Variants in PCDH11Y observed in about 807,000 individuals in gnomAD.
The protein encoded by PCDH11Y is protocadherin-11 Y-linked.
For missense variants in PCDH11Y, 12 were observed against 224.8 expected (o/e 0.05, Z 6.05); for synonymous variants, 9 against 83.6 (o/e 0.11, Z 4.87).
chrY:5,191,091 A>G (rs2052911783), intron 2 of PCDH11Y, among the ~76,000 whole-genome samples: 1 of 29,026 alleles, frequency 3.4e-5, no homozygotes, highest in Non-Finnish European at 8.2e-5. Flanking sequence ...CTCACTCATA[A>G]GTGGGAGTTG....
chrY:5,486,751 A>AT (rs2053333448), intron 2 of PCDH11Y, among the ~76,000 whole-genome samples: 3 of 9,209 alleles, frequency 3.3e-4, no homozygotes, highest in African/African-American at 5.0e-4. Context: ...ATATATATAT[A>AT]TTTTTTTTTT....
intron 2 of PCDH11Y, among the ~76,000 whole-genome samples, chrY:5,174,028 C>A: frequency 3.6e-5 from 1 of 27,741 alleles, no homozygotes; most frequent in Non-Finnish European, 8.5e-5. Flanking sequence ...CAAGTTGCTG[C>A]AAAACACATT....
chrY:5,083,548 T>C (rs1255322046), intron 1 of PCDH11Y, among the ~76,000 whole-genome samples: 754 of 31,442 alleles, frequency 0.024, no homozygotes, highest in Middle Eastern at 0.2. Context: ...TATTCTCTCC[T>C]CTATTTTTTG....
At chrY:5,352,981 C>T in intron 2 of PCDH11Y, among the ~76,000 whole-genome samples, 1 of 30,926 alleles carries the variant, frequency 3.2e-5, no homozygotes, top group Non-Finnish European at 7.7e-5. Flanking sequence ...GGACTCTTGC[C>T]TGCAATCTCT....
At chrY:5,571,156 A>T in intron 3 of PCDH11Y, among the ~76,000 whole-genome samples, 1 of 30,440 alleles carries the variant, frequency 3.3e-5, no homozygotes, top group Non-Finnish European at 7.9e-5. Context: ...GTCCATCCAG[A>T]TGCATCTCTC....
intron 2 of PCDH11Y, among the ~76,000 whole-genome samples, chrY:5,445,446 C>G: frequency 3.5e-5 from 1 of 28,963 alleles, no homozygotes; most frequent in Non-Finnish European, 8.2e-5. Context: ...TCCTCTTCCT[C>G]TTCCTCTTCT....
At chrY:5,627,756 A>T in intron 4 of PCDH11Y, among the ~76,000 whole-genome samples, 2 of 33,065 alleles carry the variant, frequency 6.0e-5, no homozygotes, top group African/African-American at 2.4e-4. Flanking sequence ...TTGATATTTT[A>T]AAAATGATAT....
chrY:5,256,430 ATTT>A (rs2053011259), intron 2 of PCDH11Y, among the ~76,000 whole-genome samples: 2 of 33,228 alleles, frequency 6.0e-5, no homozygotes, highest in African/African-American at 2.3e-4. Flanking sequence ...AGTGCATGCC[ATTT>A]TTGTTACTAT....
At chrY:5,213,634 C>T (rs2052941879) in intron 2 of PCDH11Y, among the ~76,000 whole-genome samples, 1 of 32,098 alleles carries the variant, frequency 3.1e-5, no homozygotes, top group African/African-American at 1.2e-4. Flanking sequence ...CACAGTGGGC[C>T]TGATGAGAAC....
intron 2 of PCDH11Y, among the ~76,000 whole-genome samples, chrY:5,434,314 A>G (rs2053271601): frequency 3.0e-5 from 1 of 32,938 alleles, no homozygotes; most frequent in African/African-American, 1.2e-4. Context: ...CAAATGGAGC[A>G]TGTGTCTGTG....
At chrY:5,575,170 C>CA (rs2053444709) in intron 3 of PCDH11Y, among the ~76,000 whole-genome samples, 1 of 31,265 alleles carries the variant, frequency 3.2e-5, no homozygotes, top group African/African-American at 1.3e-4. Context: ...GCAATCAAAC[C>CA]AAAAAATGGA....
chrY:5,524,538 G>T (rs2053384532), intron 3 of PCDH11Y, among the ~76,000 whole-genome samples: 1 of 32,764 alleles, frequency 3.1e-5, no homozygotes, highest in East Asian at 8.0e-4. Flanking sequence ...GAATAAATTG[G>T]CTATCCTATG....
chrY:5,532,427 CT>C (rs1456551724), intron 3 of PCDH11Y, among the ~76,000 whole-genome samples: 6 of 12,155 alleles, frequency 4.9e-4, no homozygotes, highest in East Asian at 2.3e-3. Context: ...TTTTTTTGTT[CT>C]TTTTTTTTTT....
At chrY:5,235,482 T>A in intron 2 of PCDH11Y, among the ~76,000 whole-genome samples, 2 of 32,751 alleles carry the variant, frequency 6.1e-5, no homozygotes, top group Admixed American at 5.7e-4. Context: ...ATGTACTCAA[T>A]GTTTAGCTCC....
At chrY:5,108,949 G>C (rs2052800290), downstream of PCDH11Y, among the ~76,000 whole-genome samples, 35 of 31,833 alleles carry the variant, frequency 1.1e-3, no homozygotes, top group African/African-American at 3.7e-3. Flanking sequence ...TATCTAGCTA[G>C]ATGTGATGTG....
chrY:5,673,216 C>T, intron 4 of PCDH11Y, among the ~76,000 whole-genome samples: 8 of 31,974 alleles, frequency 2.5e-4, no homozygotes, highest in Non-Finnish European at 3.8e-4. Context: ...ACTAGATCTT[C>T]ACTGTTAATC....
chrY:5,240,220 C>T, intron 2 of PCDH11Y, among the ~76,000 whole-genome samples: 2 of 33,477 alleles, frequency 6.0e-5, no homozygotes, highest in Non-Finnish European at 7.4e-5. Context: ...CAGTCACATC[C>T]TCAAGCTCCA....
At chrY:5,642,694 G>T in intron 4 of PCDH11Y, among the ~76,000 whole-genome samples, 1 of 33,598 alleles carries the variant, frequency 3.0e-5, no homozygotes, top group South Asian at 6.7e-4. Context: ...CATGTTGAAT[G>T]ATGATTGAAA....
At chrY:5,009,784 A>T (rs2052545069) in intron 1 of PCDH11Y, among the ~76,000 whole-genome samples, 1 of 33,761 alleles carries the variant, frequency 3.0e-5, no homozygotes, top group Non-Finnish European at 7.4e-5. Flanking sequence ...TCAAATAGAG[A>T]AGAAAGAGAA....
Sources: allele counts gnomAD v4.1 joint callset (sites outside exome capture counted in the v4.1 genomes callset), GRCh38; gene constraint gnomAD v4.1.1; transcripts MANE v1.5; gene names NCBI Gene and HGNC (gene_info 2026-07-23, HGNC 2026-07-21).